The following SPATA13 variants were observed in gnomAD, a reference collection of about 807,000 sequenced individuals.
SPATA13 encodes the protein spermatogenesis associated 13.
SPATA13 carries 50 observed loss-of-function variants against 104.0 expected under a neutral mutation model. That is an observed-to-expected ratio of 0.48 (90% CI 0.38 to 0.61). The LOEUF is 0.61. SPATA13 is among the 20% of genes least tolerant of loss of function. The pLI is 0.00. For synonymous variants in SPATA13, 606 were observed against 667.5 expected (o/e 0.91, Z 1.42); for missense variants, 1,524 against 1,690.6 (o/e 0.90, Z 1.73).
intron 3 of SPATA13, among the ~76,000 whole-genome samples, chr13:24,109,053 G>C (rs1017507293): frequency 6.6e-6 from 1 of 152,032 alleles, no homozygotes; most frequent in African/African-American, 2.4e-5. Context: ...ACGTTGGTTT[G>C]CTGCAGCCAT....
intron 1 of SPATA13, among the ~76,000 whole-genome samples, chr13:24,186,966 G>A (rs1869189730): frequency 6.6e-6 from 1 of 152,212 alleles, no homozygotes; most frequent in Admixed American, 6.5e-5. Flanking sequence ...TGGGTCAGAT[G>A]TGTAGGTGTT....
chr13:24,013,684 CT>C (rs1876579327), intron 2 of SPATA13, among the ~76,000 whole-genome samples: 1 of 150,830 alleles, frequency 6.6e-6, no homozygotes, highest in Non-Finnish European at 1.5e-5. Flanking sequence ...CTCCTTGTCC[CT>C]TACAGTCTTT....
intron 3 of SPATA13, among the ~76,000 whole-genome samples, chr13:24,108,660 AG>A (rs1555262072): frequency 2.1e-3 from 21 of 10,128 alleles, no homozygotes; most frequent in Non-Finnish European, 3.7e-3. Flanking sequence ...TTTTCATGGT[AG>A]GGGGGGGGAA....
In SPATA13 at chr13:24,223,433, A is replaced by G. The variant is rs1871723207; in HGVS notation, c.504A>G (p.Pro168=). The change falls in exon 2 of 13, where the codon CCA becomes CCG. Residue 168 remains proline (P), a synonymous_variant. Transcript: ENST00000382108. ...ASRGSPLAPG[P]ACGALRPAEW... ...GGGGCTCCCCCTTAGCACCGGGACC[A>G]GCATGTGGTGCCCTCAGGCCAGCAG... 6.4e-7 allele frequency: 1 copy of G among 1,551,026 alleles called. No homozygotes were observed. The highest frequency in any genetic ancestry group is 8.7e-7 in the Non-Finnish European group (1 of 1,146,994).
upstream of SPATA13, among the ~76,000 whole-genome samples, chr13:24,158,838 C>T (rs562191847): frequency 8.7e-4 from 132 of 152,292 alleles, no homozygotes; most frequent in African/African-American, 2.7e-3. Flanking sequence ...GTCCAGCACT[C>T]GCCCAGGGCT....
chr13:24,062,977 G>T (rs111871423), intron 3 of SPATA13, among the ~76,000 whole-genome samples: 79 of 152,264 alleles, frequency 5.2e-4, no homozygotes, highest in Middle Eastern at 3.4e-3. Context: ...GCCCCTGGGG[G>T]TTTGTGGGGG....
At position 24,161,072 on chromosome 13, in the gene SPATA13, C is replaced by T. The variant is rs1882458018; in HGVS notation, c.-112+140C>T. 4.3e-6 allele frequency: 2 copies of T among 469,048 alleles called. No individual in the cohort carries two copies. Among genetic ancestry groups the T allele is most frequent in the South Asian group, 1.8e-4 (2 of 11,220 alleles). 29.1% of individuals were successfully genotyped at this position (469,048 alleles called of 1,614,324 possible). A position where few individuals can be genotyped will look rare whatever the true frequency, so the allele number is the denominator to read the frequency against. ...GCTCCCAGCTGCTTGGCCTCTGCTT[C>T]CCCCGCCGGTGGAGGCTACCGGGTG... On this transcript the variant is annotated intron_variant, in intron 1 of 12. Transcript: ENST00000382108. The surrounding 1 kb of genome is among the most constrained non-coding windows in gnomAD (Gnocchi z 4.5).
At chr13:24,076,577 C>G (rs1566094465) in intron 3 of SPATA13, among the ~76,000 whole-genome samples, 1 of 151,922 alleles carries the variant, frequency 6.6e-6, no homozygotes, top group Non-Finnish European at 1.5e-5. Flanking sequence ...GACCCCGGGA[C>G]AGGAAACCAG....
At chr13:24,101,643 C>G (rs1880261352) in intron 3 of SPATA13, among the ~76,000 whole-genome samples, 1 of 152,176 alleles carries the variant, frequency 6.6e-6, no homozygotes, top group African/African-American at 2.4e-5. Context: ...TCATTTCCCC[C>G]TTTTCTCAGC....
At chr13:24,270,594 G>GT in intron 4 of SPATA13, 1 of 629,912 alleles carries the variant, frequency 1.6e-6, no homozygotes, top group South Asian at 2.1e-5. Flanking sequence ...GTGTATATAG[G>GT]TTTTGCCTTA....
chr13:24,191,042 C>G (rs1266402504), intron 1 of SPATA13, among the ~76,000 whole-genome samples: 1 of 152,116 alleles, frequency 6.6e-6, no homozygotes, highest in Non-Finnish European at 1.5e-5. Flanking sequence ...AGGCAAGACC[C>G]TCCACCAGAA....
intron 1 of SPATA13, among the ~76,000 whole-genome samples, chr13:24,179,390 C>T (rs560213337): frequency 3.1e-4 from 47 of 152,302 alleles, no homozygotes; most frequent in African/African-American, 1.1e-3. Flanking sequence ...TTTACATTTC[C>T]ATCAGCTATG....
At position 24,103,504 on chromosome 13, in the gene SPATA13, A is replaced by AAAAAAAAAAAAAAAG. The variant is rs1458068316; in HGVS notation, c.-112+85804_-112+85805insAAAAAAAAAAAAAGA. ...TGTCTCAAAAAAAAAAAAAAAAAACAAGAAAGAAAAGAGCAGGGGAGGAGA... is the reference window on the plus strand; with the variant it reads ...TGTCTCAAAAAAAAAAAAAAAAAACAAAAAAAAAAAAAAAGAGAAAGAAAAGAGCAGGGGAGGAGA... On this transcript the variant is annotated intron_variant, in intron 3 of 14. Transcript: ENST00000424834. 4.9e-4 allele frequency among the ~76,000 whole-genome samples: 57 copies of AAAAAAAAAAAAAAAG among 115,600 alleles called. 3 individuals are homozygous for AAAAAAAAAAAAAAAG. Among genetic ancestry groups the AAAAAAAAAAAAAAAG allele is most frequent in the Non-Finnish European group, 7.1e-4 (40 of 55,960 alleles). 75.8% of individuals were successfully genotyped at this position (115,600 alleles called of 152,430 possible). A position where few individuals can be genotyped will look rare whatever the true frequency, so the allele number is the denominator to read the frequency against.
chr13:24,250,253 G>A (rs1873406024), intron 3 of SPATA13, among the ~76,000 whole-genome samples: 1 of 152,012 alleles, frequency 6.6e-6, no homozygotes, highest in Admixed American at 6.6e-5. Context: ...AGAAGAAATA[G>A]TTTTTTAGGA....
At chr13:24,082,330 A>C (rs1364124880) in intron 3 of SPATA13, among the ~76,000 whole-genome samples, 3 of 152,220 alleles carry the variant, frequency 2.0e-5, no homozygotes, top group African/African-American at 7.2e-5. Flanking sequence ...GTGATTTGAA[A>C]GGCATATATT....
At chr13:24,284,659 A>G (rs1051943296) in intron 5 of SPATA13, among the ~76,000 whole-genome samples, 1 of 152,194 alleles carries the variant, frequency 6.6e-6, no homozygotes, top group Non-Finnish European at 1.5e-5. Context: ...GCGAGACTCC[A>G]TCTCAAAAAT....
intron 3 of SPATA13, among the ~76,000 whole-genome samples, chr13:24,040,585 G>A (rs982968557): frequency 6.6e-6 from 1 of 152,008 alleles, no homozygotes; most frequent in African/African-American, 2.4e-5. Context: ...TTGGGGTCCC[G>A]GGGAGACACA....
At chr13:24,081,888 A>G (rs1383914303) in intron 3 of SPATA13, among the ~76,000 whole-genome samples, 1 of 152,154 alleles carries the variant, frequency 6.6e-6, no homozygotes, top group East Asian at 1.9e-4. Flanking sequence ...TGCTGGAATA[A>G]GTTACCTGGG....
intron 3 of SPATA13, among the ~76,000 whole-genome samples, chr13:24,152,292 C>T (rs569466247): frequency 3.3e-5 from 5 of 152,210 alleles, no homozygotes; most frequent in Non-Finnish European, 5.9e-5. Context: ...TAAGGGCACT[C>T]CTCCCATTCA....
Sources: gnomAD v4.1 joint callset for allele counts (sites outside exome capture counted in the v4.1 genomes callset) on GRCh38, gnomAD v4.1.1 for gene constraint, Gnocchi (gnomAD v3.1) non-coding constraint, MANE v1.5 for transcripts, NCBI Gene and HGNC (gene_info 2026-07-23, HGNC 2026-07-21) for gene names.